The following GLIS3 variants were observed in gnomAD, a reference collection of about 807,000 sequenced individuals.
GLIS3 encodes zinc finger protein GLIS3.
A neutral mutation model predicts 78.6 loss-of-function variants in GLIS3; 53 were observed. The observed-to-expected ratio is 0.67, with a 90% CI of 0.54 to 0.85. The LOEUF (loss-of-function observed/expected upper bound fraction) is 0.85, where lower values mean the gene tolerates loss of function less well. Ranked by LOEUF, GLIS3 falls within the 40% of genes least tolerant of loss-of-function variation. The probability of loss-of-function intolerance (pLI) is 0.00; values close to 1 mark genes in which losing one functional copy is unlikely to be tolerated. For missense variants in GLIS3, 1,703 were observed against 1,231.1 expected (o/e 1.38, Z -5.74); for synonymous variants, 684 against 509.9 (o/e 1.34, Z -4.60).
the GLIS3 span, among the ~76,000 whole-genome samples, chr9:4,473,453 A>G: frequency 6.7e-6 from 1 of 149,308 alleles, no homozygotes. Flanking sequence ...CTCAACAACA[A>G]CAACAACAAA....
chr9:4,434,345 ATTTAT>A, the GLIS3 span, among the ~76,000 whole-genome samples: 2 of 152,202 alleles, frequency 1.3e-5, no homozygotes, highest in African/African-American at 4.8e-5. Context: ...CAATATTATA[ATTTAT>A]TTTATGACAG....
intron 8 of GLIS3, among the ~76,000 whole-genome samples, chr9:3,866,901 C>G (rs76505248): frequency 2.0e-5 from 3 of 152,092 alleles, no homozygotes; most frequent in Admixed American, 6.5e-5. Context: ...GTAGGCAAGA[C>G]TTGATGTAGA....
At chr9:4,377,338 C>T in the GLIS3 span, among the ~76,000 whole-genome samples, 1 of 135,566 alleles carries the variant, frequency 7.4e-6, no homozygotes, top group Non-Finnish European at 1.7e-5. Context: ...TGGATGCTTC[C>T]TTCCATTCCT....
intron 9 of GLIS3, among the ~76,000 whole-genome samples, chr9:3,847,697 C>T (rs1189828855): frequency 6.6e-6 from 1 of 152,212 alleles, no homozygotes; most frequent in Non-Finnish European, 1.5e-5. Flanking sequence ...CAAAACTCAG[C>T]ATGTTGAAAT....
intron 2 of GLIS3, among the ~76,000 whole-genome samples, chr9:4,209,367 T>C (rs1381029983): frequency 6.6e-6 from 1 of 152,156 alleles, no homozygotes; most frequent in East Asian, 1.9e-4. Context: ...TCAGGGCATG[T>C]TACTGGCATT....
upstream of GLIS3, among the ~76,000 whole-genome samples, chr9:4,348,769 A>T (rs1817926354): frequency 6.6e-6 from 1 of 151,746 alleles, no homozygotes; most frequent in South Asian, 2.1e-4. Context: ...AAATGCTCCT[A>T]AGTGAAAAAA....
chr9:3,953,673 G>A (rs548582289), intron 4 of GLIS3, among the ~76,000 whole-genome samples: 2 of 151,990 alleles, frequency 1.3e-5, no homozygotes, highest in East Asian at 3.9e-4. Flanking sequence ...AAAGTAAGCT[G>A]TTGAAAACAT....
intron 4 of GLIS3, among the ~76,000 whole-genome samples, chr9:4,060,633 G>C (rs1260177130): frequency 6.6e-6 from 1 of 152,140 alleles, no homozygotes; most frequent in Non-Finnish European, 1.5e-5. Flanking sequence ...CCGTTGCCAG[G>C]TGATACCCTG....
At chr9:3,848,152 A>G (rs1819175073) in intron 9 of GLIS3, among the ~76,000 whole-genome samples, 1 of 152,208 alleles carries the variant, frequency 6.6e-6, no homozygotes, top group East Asian at 1.9e-4. Flanking sequence ...TCATATATGC[A>G]GTTATGATGA....
intron 2 of GLIS3, among the ~76,000 whole-genome samples, chr9:4,319,796 C>A (rs888301176): frequency 9.2e-5 from 14 of 152,176 alleles, no homozygotes; most frequent in African/African-American, 2.9e-4. Flanking sequence ...CCTACTAGTA[C>A]CTCTTAAAAT....
intron 4 of GLIS3, among the ~76,000 whole-genome samples, chr9:3,952,978 A>T (rs1482064097): frequency 6.6e-6 from 1 of 152,226 alleles, no homozygotes; most frequent in Non-Finnish European, 1.5e-5. Context: ...ATTTAAAAAA[A>T]TCATATTGTG....
chr9:4,232,297 C>G (rs1324162385), intron 2 of GLIS3, among the ~76,000 whole-genome samples: 2 of 147,974 alleles, frequency 1.4e-5, no homozygotes, highest in East Asian at 4.1e-4. Context: ...AGGGGGATCA[C>G]TTGAGCCCAT....
At chr9:4,271,328 G>A (rs968866532) in intron 2 of GLIS3, among the ~76,000 whole-genome samples, 1 of 152,136 alleles carries the variant, frequency 6.6e-6, no homozygotes. Context: ...GCTACCAGTA[G>A]TTATGTTTTG....
At chr9:4,050,977 G>C (rs1172567031) in intron 4 of GLIS3, among the ~76,000 whole-genome samples, 1 of 152,046 alleles carries the variant, frequency 6.6e-6, no homozygotes, top group Non-Finnish European at 1.5e-5. Flanking sequence ...TTTTCCTCCT[G>C]TTGGAGAACA....
chr9:4,030,944 G>C (rs1483667630), intron 4 of GLIS3, among the ~76,000 whole-genome samples: 1 of 152,114 alleles, frequency 6.6e-6, no homozygotes, highest in African/African-American at 2.4e-5. Flanking sequence ...CCAAATCAAA[G>C]CCACAATAAA....
chr9:4,361,389 C>A, the GLIS3 span, among the ~76,000 whole-genome samples: 1 of 152,200 alleles, frequency 6.6e-6, no homozygotes, highest in Admixed American at 6.5e-5. Flanking sequence ...TCCTTCTGAC[C>A]AATCTTGCTT....
At chr9:3,992,261 T>A (rs34017449) in intron 4 of GLIS3, among the ~76,000 whole-genome samples, 1 of 152,172 alleles carries the variant, frequency 6.6e-6, no homozygotes. Flanking sequence ...CCAGAAGTAA[T>A]TTTTTGGGGA....
intron 2 of GLIS3, among the ~76,000 whole-genome samples, chr9:4,341,074 A>C (rs531139769): frequency 1.3e-5 from 2 of 152,132 alleles, no homozygotes; most frequent in Admixed American, 6.5e-5. Flanking sequence ...TCTAATCCAA[A>C]TGATCTGTTA....
chr9:4,402,521 C>T, the GLIS3 span, among the ~76,000 whole-genome samples: 1 of 152,004 alleles, frequency 6.6e-6, no homozygotes, highest in African/African-American at 2.4e-5. Flanking sequence ...AGATATGTGA[C>T]CTAGCAGAGA....
Sources: allele counts gnomAD v4.1 joint callset (sites outside exome capture counted in the v4.1 genomes callset), GRCh38; gene constraint gnomAD v4.1.1; transcripts MANE v1.5; gene names NCBI Gene and HGNC (gene_info 2026-07-23, HGNC 2026-07-21).